Variants in AP5M1 observed in about 807,000 individuals in gnomAD.
AP5M1 encodes AP-5 complex subunit mu-1.
AP5M1 carries 44 observed loss-of-function variants against 52.3 expected under a neutral mutation model. The observed-to-expected ratio is 0.84, with a 90% CI of 0.66 to 1.08. AP5M1 has a LOEUF of 1.08. AP5M1 is among the 50% of genes least tolerant of loss of function. AP5M1 has a pLI of 0.00. For missense variants in AP5M1, 526 were observed against 568.4 expected, an observed-to-expected ratio of 0.93 and a Z score of 0.76; for synonymous variants, 213 against 199.0, an observed-to-expected ratio of 1.07 and a Z score of -0.59.
intron 2 of AP5M1, 27 bp from the exon 3 acceptor site, chr14:57,280,168 G>T: frequency 6.5e-7 from 1 of 1,529,800 alleles, no homozygotes; most frequent in Non-Finnish European, 9.1e-7. Flanking sequence ...TGAGATTTTG[G>T]TGATAATCTT....
rs547084984 is a variant in AP5M1, at chr14:57,297,071, T to C, written c.*8187T>C. Reference sequence around the variant, plus strand: ...GAATCCCAGAAACTTGAGCACCTGATATAGCAGAAGGAAATAAAGATTATA... The same window carrying C: ...GAATCCCAGAAACTTGAGCACCTGACATAGCAGAAGGAAATAAAGATTATA... On this transcript the variant is annotated 3_prime_UTR_variant, in exon 8 of 8. Transcript: ENST00000261558. 1 of 152,140 alleles carries C rather than the reference T, an allele frequency of 6.6e-6. No homozygotes were observed. Among genetic ancestry groups the C allele is most frequent in the South Asian group, 2.1e-4 (1 of 4,818 alleles). 9.4% of individuals were successfully genotyped at this position (152,140 alleles called of 1,614,324 possible). A position where few individuals can be genotyped will look rare whatever the true frequency, so the allele number is the denominator to read the frequency against.
intron 1 of AP5M1, among the ~76,000 whole-genome samples, chr14:57,273,064 C>T (rs1032565581): frequency 3.3e-5 from 5 of 152,060 alleles, no homozygotes; most frequent in East Asian, 1.9e-4. Flanking sequence ...CTCAGCCTCC[C>T]GAGTAGCCAG....
At chr14:57,283,564 G>GACA (rs1885236549) in intron 6 of AP5M1, among the ~76,000 whole-genome samples, 1 of 152,172 alleles carries the variant, frequency 6.6e-6, no homozygotes, top group Non-Finnish European at 1.5e-5. Flanking sequence ...CTGCAACCTG[G>GACA]ACAACAGAGT....
chr14:57,295,315 G>A lies in AP5M1; in HGVS notation c.*6431G>A, dbSNP rs767132232. The A allele has an allele frequency of 4.6e-5, 7 of 152,002 alleles. No homozygotes were observed. The highest frequency in any genetic ancestry group is 8.8e-5 in the Non-Finnish European group (6 of 67,860). 9.4% of individuals were successfully genotyped at this position (152,002 alleles called of 1,614,324 possible). A position where few individuals can be genotyped will look rare whatever the true frequency, so the allele number is the denominator to read the frequency against. On this transcript the variant is annotated 3_prime_UTR_variant, in exon 8 of 8. Transcript: ENST00000261558. The stretch of plus-strand genomic sequence containing the variant: ...TTTTTGCAAGCAACATAATGATTCT[G>A]ATCATCAACCTTGAAAAGTAAATTA...
rs1458895385 is a variant in AP5M1 at position 57,282,166 on chromosome 14, A to G, written c.1026A>G (p.Lys342=). Residue 342 remains lysine, a synonymous_variant, in exon 4 of 8, where the codon AAA becomes AAG. Transcript: ENST00000261558. ...EVQLRITINL[K]LHESVKNNFE... is the part of the protein sequence containing the mutation. The stretch of plus-strand genomic sequence containing the variant: ...AACTAAGAATAACCATTAATTTAAA[A>G]CTTCATGAAAGTGTGAAAAATAATT... 5.1e-6 allele frequency: 8 copies of G among 1,580,448 alleles called. No homozygotes were observed. The highest frequency in any genetic ancestry group is 1.2e-5 in the South Asian group (1 of 83,222).
chr14:57,274,108 A>G (rs1884958575), intron 1 of AP5M1, 136 bp from the exon 2 acceptor site: 18 of 916,012 alleles, frequency 2.0e-5, no homozygotes, highest in Non-Finnish European at 2.9e-5. Context: ...GCTTTTGTGG[A>G]TGTGTGTATA....
In AP5M1 at chr14:57,289,838, T is replaced by G. The variant is rs1369801713; in HGVS notation, c.*954T>G. The G allele has an allele frequency of 6.6e-6, 1 of 151,974 alleles. No homozygotes were observed. Among genetic ancestry groups the G allele is most frequent in the African/African-American group, 2.4e-5 (1 of 41,402 alleles). 9.4% of individuals were successfully genotyped at this position (151,974 alleles called of 1,614,324 possible). A position where few individuals can be genotyped will look rare whatever the true frequency, so the allele number is the denominator to read the frequency against. On this transcript the variant is annotated 3_prime_UTR_variant, in exon 8 of 8. Coordinates refer to ENST00000261558, the MANE Select transcript of AP5M1 (RefSeq NM_018229.4). ...TGTAGTATATATCTCCTTAAAGCTGTCACTCTCACTTTCTTACCATTCTCT... is the reference window on the plus strand; with the variant it reads ...TGTAGTATATATCTCCTTAAAGCTGGCACTCTCACTTTCTTACCATTCTCT...
chr14:57,269,237 G>C lies in AP5M1; in HGVS notation c.-78G>C. 1 of 1,392,246 alleles carries C rather than the reference G, an allele frequency of 7.2e-7. No homozygotes were observed. 86.2% of individuals were successfully genotyped at this position (1,392,246 alleles called of 1,614,324 possible). A position where few individuals can be genotyped will look rare whatever the true frequency, so the allele number is the denominator to read the frequency against. Reference sequence around the variant, plus strand: ...GCCTCAGGGCTTCTGTTAAGAGTCTGTCTGAGAAAGCCGGTCTGCGCTGTT... The same window carrying C: ...GCCTCAGGGCTTCTGTTAAGAGTCTCTCTGAGAAAGCCGGTCTGCGCTGTT... On this transcript the variant is annotated 5_prime_UTR_variant, in exon 1 of 8. Transcript: ENST00000261558.
chr14:57,268,985 C>T lies in AP5M1; in HGVS notation c.-330C>T, dbSNP rs970063075. ...GAACCGAAAAAAGGCTCGACGCTAC[C>T]GTGTATGAGGAACTTTGATCCTTGC... On this transcript the variant is annotated 5_prime_UTR_variant, in exon 1 of 8. Coordinates refer to ENST00000261558, the MANE Select transcript of AP5M1 (RefSeq NM_018229.4). 3.6e-6 allele frequency: 2 copies of T among 563,156 alleles called. No individual in the cohort carries two copies. Among genetic ancestry groups the T allele is most frequent in the Admixed American group, 3.6e-5 (1 of 27,514 alleles). The allele number at this position is 563,156 out of a possible 1,614,324, so 34.9% of individuals were successfully genotyped here. A position where few individuals can be genotyped will look rare whatever the true frequency, so the allele number is the denominator to read the frequency against.
rs966226247 is a variant in AP5M1 at position 57,293,732 on chromosome 14, A to C, written c.*4848A>C. The C allele has an allele frequency of 2.0e-5, 3 of 151,432 alleles. No homozygotes were observed. Among genetic ancestry groups the C allele is most frequent in the African/African-American group, 7.3e-5 (3 of 41,150 alleles). The allele number at this position is 151,432 out of a possible 1,614,324, so 9.4% of individuals were successfully genotyped here. On this transcript the variant is annotated 3_prime_UTR_variant, in exon 8 of 8. Transcript: ENST00000261558. ...CAGAATATATATATATATACACACAACATATATATACAAGTATATGAATTT... is the reference window on the plus strand; with the variant it reads ...CAGAATATATATATATATACACACACCATATATATACAAGTATATGAATTT...
At chr14:57,283,072 A>G in intron 5 of AP5M1, 40 bp from the exon 6 acceptor site, 1 of 1,575,772 alleles carries the variant, frequency 6.3e-7, no homozygotes, top group Non-Finnish European at 8.7e-7. Context: ...TGTAGAATCT[A>G]CTTAATTTAG....
chr14:57,279,460 A>T (rs1290859774), intron 2 of AP5M1, among the ~76,000 whole-genome samples: 1 of 152,186 alleles, frequency 6.6e-6, no homozygotes, highest in African/African-American at 2.4e-5. Flanking sequence ...GTTGTCACTT[A>T]TAAGTGGGAG....
rs1279599774 is a variant in AP5M1 at position 57,291,622 on chromosome 14, ATTT to A, written c.*2744_*2746del. On this transcript the variant is annotated 3_prime_UTR_variant, in exon 8 of 8. Transcript: ENST00000261558. ...CTGATGACAATTATTTGTTTAAAAA[ATTT>A]TTTTTATTAAACATTAGTCTGTCCC... The A allele has an allele frequency of 6.6e-6, 1 of 151,780 alleles. No individual in the cohort carries two copies. The highest frequency in any genetic ancestry group is 2.4e-5 in the African/African-American group (1 of 41,468). The allele number at this position is 151,780 out of a possible 1,614,324, so 9.4% of individuals were successfully genotyped here.
At position 57,293,333 on chromosome 14, in the gene AP5M1, A is replaced by G. The variant is rs994625365; in HGVS notation, c.*4449A>G. Reference sequence around the variant, plus strand: ...ATATACAGCATTTTAATGCTTAGTAATTACTGTTCTAGTAGCATTTTGCAA... The same window carrying G: ...ATATACAGCATTTTAATGCTTAGTAGTTACTGTTCTAGTAGCATTTTGCAA... On this transcript the variant is annotated 3_prime_UTR_variant, in exon 8 of 8. Transcript: ENST00000261558. 1.3e-5 allele frequency: 2 copies of G among 151,864 alleles called. No individual in the cohort carries two copies. The highest frequency in any genetic ancestry group is 2.1e-4 in the South Asian group (1 of 4,828). The allele number at this position is 151,864 out of a possible 1,614,324, so 9.4% of individuals were successfully genotyped here. A position where few individuals can be genotyped will look rare whatever the true frequency, so the allele number is the denominator to read the frequency against.
intron 2 of AP5M1, among the ~76,000 whole-genome samples, chr14:57,279,980 G>C (rs1594702913): frequency 6.6e-6 from 1 of 152,188 alleles, no homozygotes; most frequent in Admixed American, 6.5e-5. Flanking sequence ...AAGAGCTTTA[G>C]AGATAAGCAA....
In AP5M1 at chr14:57,270,428, G is replaced by A. The variant is rs189330919; in HGVS notation, c.74+1040G>A. 4.6e-5 allele frequency among the ~76,000 whole-genome samples: 7 copies of A among 152,238 alleles called. No individual in the cohort carries two copies. The East Asian group carries it at 1.4e-3, about 29-fold the overall frequency. The stretch of plus-strand genomic sequence containing the variant: ...AAGCTTATAGTGAAGTAGTACCATA[G>A]TAGAATTGAGATTGAGGCAGAAAAA... On this transcript the variant is annotated intron_variant, in intron 1 of 7. Transcript: ENST00000261558.
chr14:57,298,092 A>G lies in AP5M1; in HGVS notation c.*9208A>G, dbSNP rs922421045. On this transcript the variant is annotated 3_prime_UTR_variant, in exon 8 of 8. Coordinates refer to ENST00000261558, the MANE Select transcript of AP5M1 (RefSeq NM_018229.4). ...TTGCAGTTATGCTTCAGTGAACTTTAAAACATTTGGCACTCGTATCTTAGA... is the reference window on the plus strand; with the variant it reads ...TTGCAGTTATGCTTCAGTGAACTTTGAAACATTTGGCACTCGTATCTTAGA... 1 of 152,196 alleles carries G rather than the reference A, an allele frequency of 6.6e-6. No individual in the cohort carries two copies. Among genetic ancestry groups the G allele is most frequent in the Non-Finnish European group, 1.5e-5 (1 of 68,040 alleles). The allele number at this position is 152,196 out of a possible 1,614,324, so 9.4% of individuals were successfully genotyped here.
Position 57,296,822 on chromosome 14 carries a change from A to G in AP5M1, c.*7938A>G, listed in dbSNP as rs1267601392. On this transcript the variant is annotated 3_prime_UTR_variant, in exon 8 of 8. Coordinates refer to ENST00000261558, the MANE Select transcript of AP5M1 (RefSeq NM_018229.4). ...ATAATTAATGTTAAGCTTTGTGCTC[A>G]TATTATATGCCACTCTGGGATTAGA... 2.0e-5 allele frequency: 3 copies of G among 152,130 alleles called. No individual in the cohort carries two copies. The East Asian group carries it at 5.8e-4, about 29-fold the overall frequency. 9.4% of individuals were successfully genotyped at this position (152,130 alleles called of 1,614,324 possible). A position where few individuals can be genotyped will look rare whatever the true frequency, so the allele number is the denominator to read the frequency against.
chr14:57,276,614 T>G (rs1025782833), intron 2 of AP5M1, among the ~76,000 whole-genome samples: 10 of 151,840 alleles, frequency 6.6e-5, no homozygotes, highest in African/African-American at 1.7e-4. Context: ...ATTCTGTTTT[T>G]TTTTTTTTTT....
Sources: allele counts gnomAD v4.1 joint callset (sites outside exome capture counted in the v4.1 genomes callset), GRCh38; gene constraint gnomAD v4.1.1; transcripts MANE v1.5; gene names NCBI Gene and HGNC (gene_info 2026-07-23, HGNC 2026-07-21).